TEC: variants seen among roughly 807,000 people sequenced by gnomAD.
The protein encoded by TEC is tec protein tyrosine kinase.
A neutral mutation model predicts 93.0 loss-of-function variants in TEC; 72 were observed. That is an observed-to-expected ratio of 0.77 (90% confidence interval 0.64 to 0.94). TEC has a LOEUF of 0.94. Among genes scored for constraint, TEC ranks in the 40% least tolerant of loss-of-function variants. The probability of loss-of-function intolerance (pLI) is 0.00; values close to 1 mark genes in which losing one functional copy is unlikely to be tolerated. For synonymous variants in TEC, 249 were observed against 247.7 expected (o/e 1.01, Z -0.05); for missense variants, 630 against 757.9 (o/e 0.83, Z 1.98).
At chr4:48,176,223 A>G in intron 2 of TEC, 37 bp from the exon 3 acceptor site, 1 of 1,497,078 alleles carries the variant, frequency 6.7e-7, no homozygotes, top group Non-Finnish European at 9.2e-7. Context: ...TTAGAATCAT[A>G]AGACATAAAA....
chr4:48,189,878 T>C (rs11943341), intron 2 of TEC, among the ~76,000 whole-genome samples: 4 of 152,046 alleles, frequency 2.6e-5, no homozygotes, highest in Admixed American at 6.6e-5. Flanking sequence ...TCTCCAAAAA[T>C]AGCAAGAGCA....
In TEC at chr4:48,228,794, G is replaced by A. The variant is rs896620991; in HGVS notation, c.-45-135C>T. Reference sequence around the variant, plus strand: ...GTATTGATCTCTGTGCCCAAACTGAGAATGCCTGGGGCACAAAAATTCAAT... The same window carrying A: ...GTATTGATCTCTGTGCCCAAACTGAAAATGCCTGGGGCACAAAAATTCAAT... On this transcript the variant is annotated intron_variant, in intron 1 of 17. Transcript: ENST00000381501. 17 of 616,764 alleles carry A rather than the reference G, an allele frequency of 2.8e-5. No homozygotes were observed. The Admixed American group carries it at 5.5e-4, about 20-fold the overall frequency. 38.2% of individuals were successfully genotyped at this position (616,764 alleles called of 1,614,324 possible).
intron 1 of TEC, among the ~76,000 whole-genome samples, chr4:48,235,177 T>G (rs1231364541): frequency 6.6e-6 from 1 of 152,182 alleles, no homozygotes; most frequent in African/African-American, 2.4e-5. Flanking sequence ...TCACGTAGAC[T>G]GTAATCTTCT....
At chr4:48,196,367 T>C (rs2109588947) in intron 2 of TEC, among the ~76,000 whole-genome samples, 1 of 152,342 alleles carries the variant, frequency 6.6e-6, no homozygotes. Context: ...TGTATCTCCT[T>C]GAACAAGTTA....
At chr4:48,265,549 G>T (rs1724620969) in intron 1 of TEC, among the ~76,000 whole-genome samples, 1 of 141,096 alleles carries the variant, frequency 7.1e-6, no homozygotes, top group Admixed American at 7.3e-5. Context: ...GTCTCAATCT[G>T]TTTCCCAGGT....
chr4:48,156,802 A>ACTTT, intron 8 of TEC, 68 bp from the exon 9 acceptor site: 8 of 1,287,288 alleles, frequency 6.2e-6, no homozygotes, highest in Non-Finnish European at 8.6e-6. Flanking sequence ...TTTCAGAATT[A>ACTTT]ATAAAGTAAT....
intron 2 of TEC, among the ~76,000 whole-genome samples, chr4:48,208,738 G>A (rs150629804): frequency 6.6e-6 from 1 of 152,272 alleles, no homozygotes; most frequent in East Asian, 1.9e-4. Context: ...TCTGTACGTT[G>A]TCTGCATCTC....
chr4:48,163,157 G>A (rs529657495), intron 8 of TEC, among the ~76,000 whole-genome samples: 1 of 152,182 alleles, frequency 6.6e-6, no homozygotes, highest in South Asian at 2.1e-4. Context: ...CTTGATACAT[G>A]CTAAGATCTC....
chr4:48,182,052 G>A (rs1273976731), intron 2 of TEC, among the ~76,000 whole-genome samples: 1 of 152,050 alleles, frequency 6.6e-6, no homozygotes, highest in African/African-American at 2.4e-5. Context: ...GGAGGCCAAG[G>A]CAGGCAGATC....
At chr4:48,252,873 C>T (rs993120550) in intron 1 of TEC, among the ~76,000 whole-genome samples, 2 of 152,322 alleles carry the variant, frequency 1.3e-5, no homozygotes, top group African/African-American at 4.8e-5. Context: ...TCAAAACATA[C>T]TACCATAGCA....
intron 2 of TEC, among the ~76,000 whole-genome samples, chr4:48,200,908 GC>G (rs1311480629): frequency 4.6e-5 from 7 of 152,190 alleles, no homozygotes; most frequent in African/African-American, 1.7e-4. Context: ...GTTCTAGACA[GC>G]CCACTTCCAG....
At chr4:48,174,796 T>C (rs1050962626) in intron 3 of TEC, among the ~76,000 whole-genome samples, 1 of 152,206 alleles carries the variant, frequency 6.6e-6, no homozygotes, top group African/African-American at 2.4e-5. Flanking sequence ...ATATTAGGTG[T>C]AATATTAATA....
chr4:48,224,995 T>C (rs1191834087), intron 2 of TEC, among the ~76,000 whole-genome samples: 1 of 152,194 alleles, frequency 6.6e-6, no homozygotes, highest in African/African-American at 2.4e-5. Context: ...TCATTGTTTT[T>C]CTATTGAAAA....
chr4:48,268,765 A>C (rs1179633012), intron 1 of TEC, among the ~76,000 whole-genome samples: 1 of 152,240 alleles, frequency 6.6e-6, no homozygotes, highest in Non-Finnish European at 1.5e-5. Context: ...TACAAGGAAT[A>C]CGCGCAAAAC....
At chr4:48,200,912 A>G (rs1328519429) in intron 2 of TEC, among the ~76,000 whole-genome samples, 2 of 152,232 alleles carry the variant, frequency 1.3e-5, no homozygotes, top group African/African-American at 4.8e-5. Flanking sequence ...TAGACAGCCC[A>G]CTTCCAGTTT....
intron 1 of TEC, among the ~76,000 whole-genome samples, chr4:48,240,844 G>C (rs1723905010): frequency 6.6e-6 from 1 of 150,996 alleles, no homozygotes; most frequent in Non-Finnish European, 1.5e-5. Context: ...AGATCATAAA[G>C]GCACATTTGA....
intron 1 of TEC, among the ~76,000 whole-genome samples, chr4:48,241,564 T>C (rs1170713564): frequency 6.6e-6 from 1 of 152,170 alleles, no homozygotes; most frequent in African/African-American, 2.4e-5. Flanking sequence ...TCCAGCCCTT[T>C]GTGGTTCAAG....
chr4:48,152,713 C>G (rs1275316659), intron 9 of TEC, among the ~76,000 whole-genome samples: 1 of 152,134 alleles, frequency 6.6e-6, no homozygotes, highest in Non-Finnish European at 1.5e-5. Context: ...TTTAGCTACT[C>G]ACTCCCCTAC....
At chr4:48,242,282 C>T (rs1205012644) in intron 1 of TEC, among the ~76,000 whole-genome samples, 1 of 152,192 alleles carries the variant, frequency 6.6e-6, no homozygotes, top group Non-Finnish European at 1.5e-5. Flanking sequence ...CTTCTTTTCC[C>T]TCTGAGTATT....
Sources: gnomAD v4.1 joint callset for allele counts (sites outside exome capture counted in the v4.1 genomes callset) on GRCh38, gnomAD v4.1.1 for gene constraint, MANE v1.5 for transcripts, NCBI Gene and HGNC (gene_info 2026-07-23, HGNC 2026-07-21) for gene names.